DTD1: variants seen among roughly 807,000 people sequenced by gnomAD.
DTD1 encodes the protein D-aminoacyl-tRNA deacylase 1.
Under a neutral mutation model 25.6 loss-of-function variants are expected in DTD1, and 13 were observed. The observed-to-expected ratio is 0.51, with a 90% CI of 0.33 to 0.81. The LOEUF is 0.81. DTD1 is among the 30% of genes least tolerant of loss of function. DTD1 has a pLI of 0.02. For synonymous variants in DTD1, 110 were observed against 103.6 expected (o/e 1.06, Z -0.37); for missense variants, 193 against 266.4 (o/e 0.72, Z 1.92).
rs1176042676 is a variant in DTD1 at position 18,757,184 on chromosome 20, G to T, written c.*20-6176G>T. Among the ~76,000 whole-genome samples the T allele has an allele frequency of 2.6e-5, 4 of 152,310 alleles. No individual in the cohort carries two copies. In the East Asian group the frequency reaches 7.7e-4, roughly 29 times the overall value. ...GGAGATTTTGGGCTGACATGATGGG[G>T]TTTTCTAGATATACAATTCATGTCA... On this transcript the variant is annotated intron_variant, in intron 5 of 5. Transcript: ENST00000377452.
At chr20:18,742,396 G>A (rs2061281865) in intron 4 of DTD1, among the ~76,000 whole-genome samples, 1 of 152,284 alleles carries the variant, frequency 6.6e-6, no homozygotes, top group Admixed American at 6.5e-5. Context: ...CCAGGGACCG[G>A]TACTAATCCC....
chr20:18,691,334 C>G (rs1397967556), intron 4 of DTD1, among the ~76,000 whole-genome samples: 1 of 152,160 alleles, frequency 6.6e-6, no homozygotes, highest in African/African-American at 2.4e-5. Flanking sequence ...CATCACAGTG[C>G]TATTCATTCT....
intron 4 of DTD1, among the ~76,000 whole-genome samples, chr20:18,728,806 G>A (rs370094865): frequency 6.6e-6 from 1 of 152,176 alleles, no homozygotes; most frequent in Non-Finnish European, 1.5e-5. Context: ...CTGGTGGTAG[G>A]TGTATTTTGA....
At chr20:18,611,928 C>T (rs1182993993) in intron 3 of DTD1, among the ~76,000 whole-genome samples, 1 of 152,092 alleles carries the variant, frequency 6.6e-6, no homozygotes, top group Non-Finnish European at 1.5e-5. Flanking sequence ...GATGTCAGCT[C>T]ACTGTAACCT....
chr20:18,658,088 T>G (rs1394498530), intron 4 of DTD1, among the ~76,000 whole-genome samples: 1 of 152,096 alleles, frequency 6.6e-6, no homozygotes, highest in Non-Finnish European at 1.5e-5. Context: ...TAGGTTTGCT[T>G]GTGAAGCATT....
intron 4 of DTD1, among the ~76,000 whole-genome samples, chr20:18,657,925 A>G (rs1208899526): frequency 6.6e-6 from 1 of 152,074 alleles, no homozygotes; most frequent in Non-Finnish European, 1.5e-5. Flanking sequence ...ACACATTTCC[A>G]CAATATTCTA....
At chr20:18,728,019 A>C (rs2061228361) in intron 4 of DTD1, among the ~76,000 whole-genome samples, 2 of 152,194 alleles carry the variant, frequency 1.3e-5, no homozygotes, top group African/African-American at 4.8e-5. Flanking sequence ...GCTGAAGGAA[A>C]GGTAGCAGTG....
intron 4 of DTD1, among the ~76,000 whole-genome samples, chr20:18,734,624 C>T (rs1248632020): frequency 6.6e-6 from 1 of 152,242 alleles, no homozygotes; most frequent in Non-Finnish European, 1.5e-5. Context: ...AACCATTTTT[C>T]TGTGTTCCAC....
chr20:18,722,180 C>A (rs2061206476), intron 4 of DTD1, among the ~76,000 whole-genome samples: 1 of 152,204 alleles, frequency 6.6e-6, no homozygotes, highest in African/African-American at 2.4e-5. Context: ...ATGCCCTTTC[C>A]TTTGGCATGG....
At chr20:18,685,813 G>A (rs938474739) in intron 4 of DTD1, among the ~76,000 whole-genome samples, 2 of 152,180 alleles carry the variant, frequency 1.3e-5, no homozygotes, top group Admixed American at 1.3e-4. Flanking sequence ...TAGTCACACT[G>A]AACAATGGGA....
chr20:18,617,034 C>G (rs1322617787), intron 3 of DTD1, among the ~76,000 whole-genome samples: 1 of 152,168 alleles, frequency 6.6e-6, no homozygotes, highest in African/African-American at 2.4e-5. Flanking sequence ...TCCTTCCTCA[C>G]TTTTATCTCA....
In DTD1 at chr20:18,676,644, A is replaced by G. The variant is rs191232375; in HGVS notation, c.477+48411A>G. On this transcript the variant is annotated intron_variant, in intron 4 of 5. Coordinates refer to ENST00000377452, the MANE Select transcript of DTD1 (RefSeq NM_080820.6). ...TCAAGGTTCTGCTGAGCAGCAAAAC[A>G]GACAAGAGTAGAGTGCACACACAAC... Among the ~76,000 whole-genome samples, 19 of 152,358 alleles carry G rather than the reference A, an allele frequency of 1.2e-4. No individual in the cohort carries two copies. The East Asian group carries it at 3.7e-3, about 29-fold the overall frequency.
intron 5 of DTD1, among the ~76,000 whole-genome samples, chr20:18,757,101 G>T (rs2061342314): frequency 6.6e-6 from 1 of 152,008 alleles, no homozygotes; most frequent in South Asian, 2.1e-4. Context: ...GAATGCTTGT[G>T]ATTTTTGCAC....
At chr20:18,687,548 C>CT (rs1298888524) in intron 4 of DTD1, among the ~76,000 whole-genome samples, 25 of 151,384 alleles carry the variant, frequency 1.7e-4, no homozygotes, top group African/African-American at 4.1e-4. Flanking sequence ...AAAGGGTTTT[C>CT]TTTTTTTTTC....
intron 4 of DTD1, among the ~76,000 whole-genome samples, chr20:18,689,278 A>G (rs1001803187): frequency 6.6e-6 from 1 of 152,142 alleles, no homozygotes; most frequent in Non-Finnish European, 1.5e-5. Flanking sequence ...TCTGCCCTCC[A>G]CTGCCCGCCC....
intron 4 of DTD1, among the ~76,000 whole-genome samples, chr20:18,669,447 A>AGCTCCTCTT (rs1464492656): frequency 6.6e-6 from 1 of 152,132 alleles, no homozygotes; most frequent in African/African-American, 2.4e-5. Flanking sequence ...TCCTCGGCTG[A>AGCTCCTCTT]GCTCCTCTTT....
At chr20:18,670,551 C>G (rs2060948300) in intron 4 of DTD1, among the ~76,000 whole-genome samples, 2 of 152,210 alleles carry the variant, frequency 1.3e-5, no homozygotes, top group Admixed American at 6.5e-5. Context: ...AAGGCAAGAA[C>G]CAGAACTTAA....
chr20:18,727,850 A>G (rs1568683083), intron 4 of DTD1, among the ~76,000 whole-genome samples: 1 of 152,322 alleles, frequency 6.6e-6, no homozygotes, highest in East Asian at 1.9e-4. Flanking sequence ...TTTCCATGTA[A>G]TCTTCCATCA....
At chr20:18,691,439 A>G (rs2061046954) in intron 4 of DTD1, among the ~76,000 whole-genome samples, 1 of 152,374 alleles carries the variant, frequency 6.6e-6, no homozygotes, top group South Asian at 2.1e-4. Flanking sequence ...TAGCCATAAA[A>G]AGAACAAAAT....
Sources: gnomAD v4.1 joint callset for allele counts (sites outside exome capture counted in the v4.1 genomes callset) on GRCh38, gnomAD v4.1.1 for gene constraint, MANE v1.5 for transcripts, NCBI Gene and HGNC (gene_info 2026-07-23, HGNC 2026-07-21) for gene names.